The following AP3B1 variants were observed in gnomAD, a reference collection of about 807,000 sequenced individuals.
AP3B1 encodes adaptor related protein complex 3 subunit beta 1, also known as AP-3 complex subunit beta-1.
A neutral mutation model predicts 132.5 loss-of-function variants in AP3B1; 61 were observed. The ratio of observed to expected loss-of-function variants is 0.46; its 90% CI spans 0.37 to 0.57. The LOEUF (loss-of-function observed/expected upper bound fraction) is 0.57. Among genes scored for constraint, AP3B1 ranks in the 20% least tolerant of loss-of-function variants. The pLI is 0.00. For missense variants in AP3B1, 1,120 were observed against 1,289.4 expected (o/e 0.87, Z 2.01); for synonymous variants, 388 against 438.3 (o/e 0.89, Z 1.43).
At position 78,228,993 on chromosome 5, in the gene AP3B1, C is replaced by A. The variant is rs187476027; in HGVS notation, c.280-754G>T. 3.1e-3 allele frequency among the ~76,000 whole-genome samples: 470 copies of A among 152,312 alleles called. 2 individuals are homozygous for A. Among genetic ancestry groups the A allele is most frequent in the African/African-American group, 0.011 (448 of 41,566 alleles). On this transcript the variant is annotated intron_variant, in intron 3 of 26. Coordinates refer to ENST00000255194, the MANE Select transcript of AP3B1 (RefSeq NM_003664.5). ...TGTCGCACAGGGTGCAGTGCAATAGCACAATCACGGCTCACTGCAGCCTCA... is the reference window on the plus strand; with the variant it reads ...TGTCGCACAGGGTGCAGTGCAATAGAACAATCACGGCTCACTGCAGCCTCA...
At chr5:78,271,602 A>T (rs915772177) in intron 1 of AP3B1, among the ~76,000 whole-genome samples, 2 of 152,220 alleles carry the variant, frequency 1.3e-5, no homozygotes, top group Non-Finnish European at 2.9e-5. Context: ...GGTAACAAAC[A>T]ACGTCTTAAT....
intron 17 of AP3B1, among the ~76,000 whole-genome samples, chr5:78,123,152 A>G (rs1752302199): frequency 1.3e-5 from 2 of 152,360 alleles, no homozygotes; most frequent in South Asian, 4.1e-4. Context: ...AGATGTAGAA[A>G]GCTGAAACTG....
intron 22 of AP3B1, among the ~76,000 whole-genome samples, chr5:78,084,116 A>G (rs865881265): frequency 6.6e-6 from 1 of 152,188 alleles, no homozygotes; most frequent in Non-Finnish European, 1.5e-5. Flanking sequence ...AAAAGGAAAC[A>G]TGGAAATCTG....
At chr5:78,004,252 G>A (rs183990808) in intron 26 of AP3B1, among the ~76,000 whole-genome samples, 3 of 152,276 alleles carry the variant, frequency 2.0e-5, no homozygotes, top group East Asian at 3.9e-4. Context: ...CTAACAGCAC[G>A]CTGCGGACTA....
In AP3B1 at chr5:78,166,158, CACACACACACACACAA is replaced by C. The variant is rs1486482514; in HGVS notation, c.1168-502_1168-487del. On this transcript the variant is annotated intron_variant, in intron 11 of 26. Coordinates refer to ENST00000255194, the MANE Select transcript of AP3B1 (RefSeq NM_003664.5). ...ACACACACACACACACACACACACACACACACACACACACAAATCATATTGTCGCCAATGTGGTAAG... is the reference window on the plus strand; with the variant it reads ...ACACACACACACACACACACACACACATCATATTGTCGCCAATGTGGTAAG... 2.5e-4 allele frequency among the ~76,000 whole-genome samples: 32 copies of C among 126,186 alleles called. 1 individual carries two copies. The highest frequency in any genetic ancestry group is 5.0e-4 in the Non-Finnish European group (27 of 53,498). The allele number at this position is 126,186 out of a possible 152,430, so 82.8% of individuals were successfully genotyped here. A position where few individuals can be genotyped will look rare whatever the true frequency, so the allele number is the denominator to read the frequency against.
intron 1 of AP3B1, 29 bp from the exon 2 acceptor site, chr5:78,267,624 A>G (rs537995295): frequency 2.9e-6 from 4 of 1,391,068 alleles, no homozygotes; most frequent in East Asian, 4.6e-5. Context: ...AAAAAAATCC[A>G]TACTTTGATT....
At position 78,130,134 on chromosome 5, in the gene AP3B1, A is replaced by T. The variant is rs1752627783; in HGVS notation, c.1651-827T>A. On this transcript the variant is annotated intron_variant, in intron 15 of 26. Coordinates refer to ENST00000255194, the MANE Select transcript of AP3B1 (RefSeq NM_003664.5). ...TTAAACCAAAATTGAAATGTTAACA[A>T]AACAGGTTTGTATTTTAAACTACAG... Among the ~76,000 whole-genome samples the T allele has an allele frequency of 1.3e-5, 2 of 152,152 alleles. 1 individual carries two copies. The highest frequency in any genetic ancestry group is 4.1e-4 in the South Asian group (2 of 4,838).
intron 7 of AP3B1, among the ~76,000 whole-genome samples, chr5:78,193,770 A>ATATATATATATATATATATATTTTTTTTT: frequency 1.5e-5 from 1 of 67,210 alleles, no homozygotes; most frequent in East Asian, 3.3e-4. Context: ...ATATATATAT[A>ATATATATATATATATATATATTTTTTTTT]TTTTTTTTTT....
chr5:78,083,720 T>TA lies in AP3B1; in HGVS notation c.2577+5672dup, dbSNP rs200060328. ...TAAATAATATTTATTATAGAGTTAT[T>TA]AAAAAAACTAAAGCCTTTCCTTATA... On this transcript the variant is annotated intron_variant, in intron 22 of 26. Coordinates refer to ENST00000255194, the MANE Select transcript of AP3B1 (RefSeq NM_003664.5). Among the ~76,000 whole-genome samples the TA allele has an allele frequency of 9.4e-4, 143 of 152,298 alleles. 4 individuals are homozygous for TA. The East Asian group carries it at 0.023, about 24-fold the overall frequency.
intron 20 of AP3B1, among the ~76,000 whole-genome samples, chr5:78,105,779 G>C (rs1751307442): frequency 6.6e-6 from 1 of 152,088 alleles, no homozygotes; most frequent in Non-Finnish European, 1.5e-5. Flanking sequence ...AATTTTCTAT[G>C]GTCATTACTA....
chr5:78,008,569 C>T (rs1445182628), intron 26 of AP3B1, among the ~76,000 whole-genome samples: 1 of 152,114 alleles, frequency 6.6e-6, no homozygotes, highest in African/African-American at 2.4e-5. Flanking sequence ...AGTGGACAGC[C>T]ACCAACCTGA....
intron 15 of AP3B1, 62 bp downstream of exon 15, chr5:78,141,081 T>G: frequency 6.7e-7 from 1 of 1,484,496 alleles, no homozygotes; most frequent in Non-Finnish European, 9.4e-7. Context: ...AGACCCCCGC[T>G]GTTTGATCAG....
intron 23 of AP3B1, among the ~76,000 whole-genome samples, chr5:78,034,686 T>A (rs1747727684): frequency 6.6e-6 from 1 of 151,990 alleles, no homozygotes; most frequent in South Asian, 2.1e-4. Flanking sequence ...TATACCCATT[T>A]GTTTCAGAAA....
At chr5:78,228,588 T>C (rs1423861329) in intron 3 of AP3B1, among the ~76,000 whole-genome samples, 3 of 152,232 alleles carry the variant, frequency 2.0e-5, no homozygotes, top group Admixed American at 6.5e-5. Context: ...AGGCATGGCG[T>C]ACATGCTTGT....
intron 3 of AP3B1, 65 bp from the exon 4 acceptor site, chr5:78,228,304 CA>C: frequency 9.3e-7 from 1 of 1,076,520 alleles, no homozygotes; most frequent in Non-Finnish European, 1.4e-6. Context: ...TTTGCTATAC[CA>C]AAATCCATGC....
chr5:78,154,009 T>C (rs909868090), intron 14 of AP3B1, among the ~76,000 whole-genome samples: 2 of 152,196 alleles, frequency 1.3e-5, no homozygotes, highest in Admixed American at 6.5e-5. Context: ...TACAATATTC[T>C]GCTTTTCTGT....
At chr5:78,263,680 G>C (rs1199676188) in intron 2 of AP3B1, among the ~76,000 whole-genome samples, 2 of 152,112 alleles carry the variant, frequency 1.3e-5, no homozygotes, top group African/African-American at 4.8e-5. Flanking sequence ...CCTATTCCTA[G>C]TTTGTTGAGT....
chr5:78,116,143 T>A lies in AP3B1; in HGVS notation c.2060A>T (p.Asp687Val). Reference protein sequence around the residue: ...SESEEEEDSSDSSSDSESESG... With the variant: ...SESEEEEDSSVSSSDSESESG... ...AAACCCACCACTGTCACTGCTACTA[T>A]CAGAAGAGTCCTCCTCTTCCTCAGA... The change falls in exon 18 of 27, where the codon GAT becomes GTT. Residue 687 changes from aspartate (D) to valine (V), a missense_variant. Transcript: ENST00000255194. 2.5e-6 allele frequency: 4 copies of A among 1,610,618 alleles called. No individual in the cohort carries two copies. Among genetic ancestry groups the A allele is most frequent in the Non-Finnish European group, 3.4e-6 (4 of 1,176,876 alleles).
rs185688674 is a variant in AP3B1 at position 78,134,028 on chromosome 5, G to A, written c.1651-4721C>T. ...TAGCCGGGCATGGTGGCGGGCACCC[G>A]TAGTCCCAGCTACTCAGGAGGCTCA... is the stretch of plus-strand genomic sequence containing the variant. On this transcript the variant is annotated intron_variant, in intron 15 of 26. Coordinates refer to ENST00000255194, the MANE Select transcript of AP3B1 (RefSeq NM_003664.5). 3.0e-3 allele frequency among the ~76,000 whole-genome samples: 459 copies of A among 151,608 alleles called. 2 individuals carry two copies. Among genetic ancestry groups the A allele is most frequent in the African/African-American group, 0.01 (433 of 41,322 alleles).
Sources: gnomAD v4.1 joint callset for allele counts (sites outside exome capture counted in the v4.1 genomes callset) on GRCh38, gnomAD v4.1.1 for gene constraint, MANE v1.5 for transcripts, NCBI Gene and HGNC (gene_info 2026-07-23, HGNC 2026-07-21) for gene names.